MEGF10: variants seen among roughly 807,000 people sequenced by gnomAD.
The protein encoded by MEGF10 is multiple epidermal growth factor-like domains protein 10.
MEGF10 carries 86 observed loss-of-function variants against 147.5 expected under a neutral mutation model. The ratio of observed to expected loss-of-function variants is 0.58; its 90% CI spans 0.49 to 0.70. MEGF10 has a LOEUF of 0.70. Ranked by LOEUF, MEGF10 falls within the 30% of genes least tolerant of loss-of-function variation. The probability of loss-of-function intolerance (pLI) is 0.00; values close to 1 mark genes in which losing one functional copy is unlikely to be tolerated. For synonymous variants in MEGF10, 478 were observed against 525.5 expected, an observed-to-expected ratio of 0.91 and a Z score of 1.24; for missense variants, 1,329 against 1,487.3, an observed-to-expected ratio of 0.89 and a Z score of 1.75.
At chr5:127,445,397 G>A (rs751669741) in intron 19 of MEGF10, 60 bp from the exon 20 acceptor site, 110 of 1,312,058 alleles carry the variant, frequency 8.4e-5, no homozygotes, top group Non-Finnish European at 1.1e-4. Flanking sequence ...TTTGTAAGTA[G>A]AGATCAAACG....
Position 127,458,369 on chromosome 5 carries a change from T to C in MEGF10, c.*1051T>C, listed in dbSNP as rs968604335. ...AAGGGAACTTTCCTTTTATTAATTG[T>C]CAATTTAGAGAAACTATGCTTAAGC... is the stretch of plus-strand genomic sequence containing the variant. On this transcript the variant is annotated 3_prime_UTR_variant, in exon 25 of 25. Coordinates refer to ENST00000503335, the MANE Select transcript of MEGF10 (RefSeq NM_001256545.2). The C allele has an allele frequency of 6.6e-6, 1 of 152,238 alleles. No homozygotes were observed. Among genetic ancestry groups the C allele is most frequent in the African/African-American group, 2.4e-5 (1 of 41,458 alleles). The allele number at this position is 152,238 out of a possible 1,614,324, so 9.4% of individuals were successfully genotyped here.
chr5:127,423,312 G>A (rs1765092747), intron 13 of MEGF10, among the ~76,000 whole-genome samples: 3 of 152,294 alleles, frequency 2.0e-5, no homozygotes, highest in African/African-American at 7.2e-5. Context: ...TGTAACCACA[G>A]GGTGGGAGTT....
Position 127,458,049 on chromosome 5 carries a change from C to T in MEGF10, c.*731C>T, listed in dbSNP as rs1209275199. ...GTGGTTTTCTCTGTTTGACTCTCAA[C>T]CAACTTCAGATCTATGACATTATTC... On this transcript the variant is annotated 3_prime_UTR_variant, in exon 25 of 25. Transcript: ENST00000503335. 3 of 152,176 alleles carry T rather than the reference C, an allele frequency of 2.0e-5. No individual in the cohort carries two copies. Among genetic ancestry groups the T allele is most frequent in the Non-Finnish European group, 4.4e-5 (3 of 68,030 alleles). The allele number at this position is 152,176 out of a possible 1,614,324, so 9.4% of individuals were successfully genotyped here.
At chr5:127,355,784 T>A (rs1263801773) in intron 4 of MEGF10, among the ~76,000 whole-genome samples, 1 of 152,116 alleles carries the variant, frequency 6.6e-6, no homozygotes, top group Non-Finnish European at 1.5e-5. Flanking sequence ...ATTTAATTTT[T>A]AAAAAATCCA....
At chr5:127,352,222 T>C (rs1275720747) in intron 4 of MEGF10, among the ~76,000 whole-genome samples, 3 of 152,216 alleles carry the variant, frequency 2.0e-5, no homozygotes, top group African/African-American at 7.2e-5. Context: ...ACAACTTACA[T>C]GACCACCAGT....
chr5:127,459,179 G>C lies in MEGF10; in HGVS notation c.*1861G>C, dbSNP rs1250286829. On this transcript the variant is annotated 3_prime_UTR_variant, in exon 25 of 25. Coordinates refer to ENST00000503335, the MANE Select transcript of MEGF10 (RefSeq NM_001256545.2). ...TGCACATAAGTGATTATCCCTGCCA[G>C]GTATCGAGTTGGAATATCCAGTTAT... The C allele has an allele frequency of 6.6e-6, 1 of 152,164 alleles. No individual in the cohort carries two copies. Among genetic ancestry groups the C allele is most frequent in the Non-Finnish European group, 1.5e-5 (1 of 68,032 alleles). The allele number at this position is 152,164 out of a possible 1,614,324, so 9.4% of individuals were successfully genotyped here. A position where few individuals can be genotyped will look rare whatever the true frequency, so the allele number is the denominator to read the frequency against.
At chr5:127,425,851 C>T (rs1272782471) in intron 13 of MEGF10, among the ~76,000 whole-genome samples, 1 of 152,156 alleles carries the variant, frequency 6.6e-6, no homozygotes, top group Non-Finnish European at 1.5e-5. Flanking sequence ...TTCTTCTCAT[C>T]CCTGTTGCTG....
intron 22 of MEGF10, among the ~76,000 whole-genome samples, chr5:127,450,697 A>G: frequency 6.6e-6 from 1 of 152,086 alleles, no homozygotes; most frequent in East Asian, 1.9e-4. Context: ...GTTTCTTTTA[A>G]ATTTTAATAT....
At chr5:127,262,589 G>A in the MEGF10 span, among the ~76,000 whole-genome samples, 1 of 152,144 alleles carries the variant, frequency 6.6e-6, no homozygotes, top group African/African-American at 2.4e-5. Context: ...GCCTCCTTTT[G>A]TTCAAAGATC....
the MEGF10 span, among the ~76,000 whole-genome samples, chr5:127,283,371 T>C: frequency 6.6e-6 from 1 of 152,232 alleles, no homozygotes; most frequent in Non-Finnish European, 1.5e-5. Context: ...AGGAAGATAT[T>C]CATGTCTTTA....
the MEGF10 span, among the ~76,000 whole-genome samples, chr5:127,265,743 C>A: frequency 1.3e-5 from 2 of 152,126 alleles, no homozygotes; most frequent in Non-Finnish European, 2.9e-5. Context: ...TGTTCATATC[C>A]TTTGCCCACT....
chr5:127,452,496 C>T (rs1239807053), intron 22 of MEGF10, among the ~76,000 whole-genome samples: 1 of 152,162 alleles, frequency 6.6e-6, no homozygotes, highest in African/African-American at 2.4e-5. Context: ...ATCACCAAGA[C>T]GACCCTCAGG....
chr5:127,242,574 A>G, the MEGF10 span, among the ~76,000 whole-genome samples: 1 of 152,246 alleles, frequency 6.6e-6, no homozygotes, highest in Non-Finnish European at 1.5e-5. Context: ...TCCAAATGAA[A>G]AGTTATTGAT....
chr5:127,391,158 A>G (rs781643285), intron 5 of MEGF10, among the ~76,000 whole-genome samples: 1 of 28,168 alleles, frequency 3.6e-5, no homozygotes, highest in Non-Finnish European at 2.1e-4. Context: ...ACACACATAC[A>G]TGCTTATTTC....
chr5:127,452,573 G>A (rs927348279), intron 22 of MEGF10, among the ~76,000 whole-genome samples: 2 of 152,084 alleles, frequency 1.3e-5, no homozygotes, highest in East Asian at 3.9e-4. Context: ...ACAGTTTATG[G>A]GGGGCTCAGT....
the MEGF10 span, among the ~76,000 whole-genome samples, chr5:127,264,653 C>A: frequency 3.2e-4 from 49 of 152,108 alleles, no homozygotes; most frequent in East Asian, 9.1e-3. Flanking sequence ...GAAAAGAGAT[C>A]CTCTTTCCAA....
intron 1 of MEGF10, among the ~76,000 whole-genome samples, chr5:127,294,805 T>TAA (rs1759420493): frequency 7.7e-6 from 1 of 130,118 alleles, no homozygotes; most frequent in Non-Finnish European, 1.7e-5. Context: ...TCTCAAATAA[T>TAA]AATAATAATA....
At chr5:127,309,379 T>C (rs1263191983) in intron 1 of MEGF10, among the ~76,000 whole-genome samples, 2 of 152,190 alleles carry the variant, frequency 1.3e-5, no homozygotes, top group Non-Finnish European at 2.9e-5. Context: ...ATCACCACCA[T>C]CCATCTCCAG....
chr5:127,323,425 C>A (rs554068097), intron 1 of MEGF10, among the ~76,000 whole-genome samples: 1 of 152,238 alleles, frequency 6.6e-6, no homozygotes, highest in African/African-American at 2.4e-5. Context: ...TGAGGTTATG[C>A]CCCTTGGCAC....
Sources: gnomAD v4.1 joint callset for allele counts (sites outside exome capture counted in the v4.1 genomes callset) on GRCh38, gnomAD v4.1.1 for gene constraint, MANE v1.5 for transcripts, NCBI Gene and HGNC (gene_info 2026-07-23, HGNC 2026-07-21) for gene names.